The following RABGAP1L variants were observed in gnomAD, a reference collection of about 807,000 sequenced individuals.
The protein encoded by RABGAP1L is rab GTPase-activating protein 1-like.
Under a neutral mutation model 137.7 loss-of-function variants are expected in RABGAP1L, and 63 were observed. That is an observed-to-expected ratio of 0.46 (90% confidence interval 0.37 to 0.56). The LOEUF is 0.56. Among genes scored for constraint, RABGAP1L ranks in the 20% least tolerant of loss-of-function variants. The pLI is 0.00. For missense variants in RABGAP1L, 1,095 were observed against 1,244.0 expected (o/e 0.88, Z 1.80); for synonymous variants, 431 against 433.7 (o/e 0.99, Z 0.08).
At chr1:174,839,056 T>TGTGTG (rs1553261082) in intron 19 of RABGAP1L, among the ~76,000 whole-genome samples, 15 of 141,002 alleles carry the variant, frequency 1.1e-4, no homozygotes, top group Non-Finnish European at 1.7e-4. Context: ...TGTGTGTGTG[T>TGTGTG]TGGTAGGGGT....
intron 13 of RABGAP1L, among the ~76,000 whole-genome samples, chr1:174,429,926 TTAC>T (rs1476761580): frequency 6.6e-6 from 1 of 152,098 alleles, no homozygotes; most frequent in Admixed American, 6.5e-5. Flanking sequence ...GCAACATATA[TTAC>T]TACATTTGTT....
chr1:174,341,046 G>A (rs2148891728), intron 11 of RABGAP1L, among the ~76,000 whole-genome samples: 1 of 151,906 alleles, frequency 6.6e-6, no homozygotes, highest in Non-Finnish European at 1.5e-5. Flanking sequence ...ATGTTAGTTG[G>A]CTGCATGAAT....
chr1:174,571,052 ATGT>A (rs1222904324), intron 13 of RABGAP1L, among the ~76,000 whole-genome samples: 3 of 152,214 alleles, frequency 2.0e-5, no homozygotes, highest in African/African-American at 7.2e-5. Context: ...GAGAAAGAAA[ATGT>A]TGTACATTTC....
At chr1:174,848,212 ACTT>A (rs1647360116) in intron 19 of RABGAP1L, among the ~76,000 whole-genome samples, 3 of 90,846 alleles carry the variant, frequency 3.3e-5, no homozygotes, top group East Asian at 5.8e-4. Context: ...TCGTCTGAAG[ACTT>A]CTTCTCTCAG....
chr1:174,921,794 A>G (rs1375724456), intron 19 of RABGAP1L, among the ~76,000 whole-genome samples: 1 of 152,222 alleles, frequency 6.6e-6, no homozygotes, highest in Non-Finnish European at 1.5e-5. Context: ...TGTTATATAT[A>G]TAAATCTTGC....
intron 14 of RABGAP1L, among the ~76,000 whole-genome samples, chr1:174,679,053 G>C (rs978390736): frequency 2.6e-5 from 4 of 152,180 alleles, no homozygotes. Flanking sequence ...GAAGTGGGAG[G>C]GGACCCAAAG....
At chr1:174,235,873 A>G (rs1671120176) in intron 4 of RABGAP1L, among the ~76,000 whole-genome samples, 1 of 53,758 alleles carries the variant, frequency 1.9e-5, no homozygotes, top group Non-Finnish European at 3.1e-5. Flanking sequence ...CTCTGGTAGA[A>G]TTTGGCTGTG....
chr1:174,301,376 TGG>T (rs1429620725), intron 10 of RABGAP1L, among the ~76,000 whole-genome samples: 1 of 148,938 alleles, frequency 6.7e-6, no homozygotes, highest in African/African-American at 2.5e-5. Context: ...CTGGAATGGA[TGG>T]CGGTGTGTTA....
At position 174,912,077 on chromosome 1, in the gene RABGAP1L, C is replaced by T. The variant is rs567407104; in HGVS notation, c.2341-45380C>T. ...GTGGCTAGGATGTATCATGCCTTAT[C>T]ACAAGAAATAGCAGAAAAAAAATAT... is the stretch of plus-strand genomic sequence containing the variant. On this transcript the variant is annotated intron_variant, in intron 19 of 25. Transcript: ENST00000681986. Among the ~76,000 whole-genome samples, 98 of 152,224 alleles carry T rather than the reference C, an allele frequency of 6.4e-4. 2 individuals carry two copies. In the South Asian group the frequency reaches 0.02, roughly 31 times the overall value.
chr1:174,607,211 G>A (rs2148193476), intron 13 of RABGAP1L, among the ~76,000 whole-genome samples: 1 of 152,292 alleles, frequency 6.6e-6, no homozygotes, highest in Middle Eastern at 3.4e-3. Flanking sequence ...ATTGATTCTT[G>A]TAGTAGTTGC....
chr1:174,702,374 C>A, intron 17 of RABGAP1L, 118 bp downstream of exon 17: 2 of 745,132 alleles, frequency 2.7e-6, no homozygotes, highest in Non-Finnish European at 4.0e-6. Flanking sequence ...ACTCACTGAC[C>A]AAAAAGCTGT....
intron 13 of RABGAP1L, among the ~76,000 whole-genome samples, chr1:174,620,781 G>C (rs987414877): frequency 6.6e-6 from 1 of 151,618 alleles, no homozygotes; most frequent in Non-Finnish European, 1.5e-5. Flanking sequence ...ATATAACTAA[G>C]ATCAGAGCAG....
chr1:174,484,625 C>T (rs140751714), intron 13 of RABGAP1L, among the ~76,000 whole-genome samples: 2 of 152,252 alleles, frequency 1.3e-5, no homozygotes, highest in African/African-American at 4.8e-5. Flanking sequence ...AATCAGTTTT[C>T]CCAACAACAT....
rs1203000636 is a variant in RABGAP1L at position 174,902,141 on chromosome 1, T to A, written c.2341-55316T>A. On this transcript the variant is annotated intron_variant, in intron 19 of 25. Transcript: ENST00000681986. ...GGTGGCTGAAGACCCACATTGGGAA[T>A]TGTCACCCAGTCAGGAGGAACGGGA... 2.0e-5 allele frequency among the ~76,000 whole-genome samples: 3 copies of A among 152,132 alleles called. No homozygotes were observed. The East Asian group carries it at 5.8e-4, about 29-fold the overall frequency.
At position 174,548,004 on chromosome 1, in the gene RABGAP1L, G is replaced by T. The variant is rs774837375; in HGVS notation, c.1711-89371G>T. The stretch of plus-strand genomic sequence containing the variant: ...TTAGTTCCTTTCCTGAGCCTGAATT[G>T]TACAAATATGTCCTAAAACACCAAC... On this transcript the variant is annotated intron_variant, in intron 13 of 25. Transcript: ENST00000681986. 8 of 1,550,476 alleles carry T rather than the reference G, an allele frequency of 5.2e-6. No individual in the cohort carries two copies. The South Asian group carries it at 9.5e-5, about 18-fold the overall frequency.
Position 174,533,188 on chromosome 1 carries a change from C to T in RABGAP1L, c.1711-104187C>T, listed in dbSNP as rs567272552. On this transcript the variant is annotated intron_variant, in intron 13 of 25. Coordinates refer to ENST00000681986, the MANE Select transcript of RABGAP1L (RefSeq NM_001366446.1). ...GGCAGAGGTTGCAGTGAGCCAAGATCGCGCCACTGCACTCCAGCCTGGGTG... is the reference window on the plus strand; with the variant it reads ...GGCAGAGGTTGCAGTGAGCCAAGATTGCGCCACTGCACTCCAGCCTGGGTG... 2.7e-4 allele frequency among the ~76,000 whole-genome samples: 41 copies of T among 152,224 alleles called. No homozygotes were observed. In the South Asian group the frequency reaches 4.4e-3, roughly 16 times the overall value.
intron 11 of RABGAP1L, among the ~76,000 whole-genome samples, chr1:174,323,377 A>C (rs532444455): frequency 8.3e-4 from 126 of 152,242 alleles, no homozygotes; most frequent in Non-Finnish European, 1.6e-3. Context: ...ATGATTTTTC[A>C]TGATAAACAA....
At chr1:174,679,640 C>G (rs1677899693) in intron 14 of RABGAP1L, among the ~76,000 whole-genome samples, 1 of 152,120 alleles carries the variant, frequency 6.6e-6, no homozygotes, top group South Asian at 2.1e-4. Flanking sequence ...GGAAGTAAAA[C>G]TAACATTCAC....
intron 13 of RABGAP1L, among the ~76,000 whole-genome samples, chr1:174,413,038 A>G (rs780117193): frequency 3.3e-5 from 5 of 152,150 alleles, no homozygotes; most frequent in Non-Finnish European, 7.4e-5. Context: ...TTCTTGAATT[A>G]TTCACTCAAA....
Sources: gnomAD v4.1 joint callset for allele counts (sites outside exome capture counted in the v4.1 genomes callset) on GRCh38, gnomAD v4.1.1 for gene constraint, MANE v1.5 for transcripts, NCBI Gene and HGNC (gene_info 2026-07-23, HGNC 2026-07-21) for gene names.